Variants in KCNN2 observed in about 807,000 individuals in gnomAD.
KCNN2 encodes potassium calcium-activated channel subfamily N member 2.
In KCNN2, 24 loss-of-function variants were observed where a neutral mutation model predicts 55.5. That is an observed-to-expected ratio of 0.43 (90% CI 0.31 to 0.61). The LOEUF (loss-of-function observed/expected upper bound fraction) is 0.61, where lower values mean the gene tolerates loss of function less well. Among genes scored for constraint, KCNN2 ranks in the 20% least tolerant of loss-of-function variants. The pLI is 0.08. For missense variants in KCNN2, 754 were observed against 853.6 expected (o/e 0.88, Z 1.45); for synonymous variants, 431 against 336.1 (o/e 1.28, Z -3.09).
At chr5:114,375,952 G>GTGTATATATATATA (rs1249028214) in intron 2 of KCNN2, among the ~76,000 whole-genome samples, 1 of 104,722 alleles carries the variant, frequency 9.5e-6, no homozygotes, top group Non-Finnish European at 1.9e-5. Context: ...GACTCACAGT[G>GTGTATATATATATA]TATATATATA....
chr5:114,265,324 GGTGTGTGTGTGTGT>G (rs60111802), intron 2 of KCNN2, among the ~76,000 whole-genome samples: 39,297 of 149,088 alleles, frequency 0.26, 5,509 homozygotes, highest in East Asian at 0.51. Context: ...ATCAAGAGGA[GGTGTGTGTGTGTGT>G]GTGTGTGTGT....
chr5:114,109,099 T>C (rs1400685658), intron 1 of KCNN2, among the ~76,000 whole-genome samples: 1 of 152,066 alleles, frequency 6.6e-6, no homozygotes, highest in African/African-American at 2.4e-5. Flanking sequence ...TCACTCAAGC[T>C]TGGAGTCTCA....
intron 2 of KCNN2, among the ~76,000 whole-genome samples, chr5:114,243,272 C>T (rs1406409875): frequency 6.6e-6 from 1 of 152,192 alleles, no homozygotes; most frequent in Non-Finnish European, 1.5e-5. Flanking sequence ...CATAGCAACT[C>T]ACACATATGT....
intron 2 of KCNN2, among the ~76,000 whole-genome samples, chr5:114,327,323 C>T (rs958773183): frequency 6.6e-6 from 1 of 152,158 alleles, no homozygotes; most frequent in African/African-American, 2.4e-5. Context: ...TCAACCTATG[C>T]GGGAGCAGAG....
chr5:114,084,348 A>G (rs1018373376), intron 1 of KCNN2, among the ~76,000 whole-genome samples: 4 of 151,942 alleles, frequency 2.6e-5, no homozygotes, highest in East Asian at 1.9e-4. Context: ...GATATTGTCC[A>G]TTTTCAATTT....
At chr5:114,473,298 C>A in intron 5 of KCNN2, 134 bp downstream of exon 5, 1 of 658,674 alleles carries the variant, frequency 1.5e-6, no homozygotes, top group Non-Finnish European at 2.7e-6. Context: ...GGAATCACTT[C>A]CATTTTATCA....
chr5:114,486,353 A>T (rs746655646), intron 5 of KCNN2, among the ~76,000 whole-genome samples: 2 of 152,192 alleles, frequency 1.3e-5, no homozygotes, highest in Non-Finnish European at 2.9e-5. Context: ...GAAGACTTTC[A>T]TCAAGAAAGC....
chr5:114,347,105 TA>T (rs1288076258), intron 2 of KCNN2, among the ~76,000 whole-genome samples: 1 of 152,222 alleles, frequency 6.6e-6, no homozygotes, highest in Non-Finnish European at 1.5e-5. Context: ...AAATATAATT[TA>T]GCTAATCAAT....
At position 114,297,912 on chromosome 5, in the gene KCNN2, G is replaced by A. The variant is rs192664553; in HGVS notation, c.-184-63033G>A. ...TCCTTGGTCAGATTATTTCCCCTGT[G>A]TCTCAGTTTCCTTATACGTGAAATG... On this transcript the variant is annotated intron_variant, in intron 2 of 10. Coordinates refer to the KCNN2 transcript ENST00000512097. 3.3e-5 allele frequency among the ~76,000 whole-genome samples: 5 copies of A among 152,182 alleles called. No individual in the cohort carries two copies. In the East Asian group the frequency reaches 5.8e-4, roughly 18 times the overall value.
chr5:114,352,252 T>G (rs146587280), intron 2 of KCNN2, among the ~76,000 whole-genome samples: 3 of 151,746 alleles, frequency 2.0e-5, no homozygotes, highest in African/African-American at 7.2e-5. Context: ...TTCTGTAAGG[T>G]TAGTAGTGAT....
chr5:114,278,168 C>T (rs967787369), intron 2 of KCNN2, among the ~76,000 whole-genome samples: 11 of 152,186 alleles, frequency 7.2e-5, no homozygotes, highest in Admixed American at 1.3e-4. Context: ...TGGGTATCAC[C>T]AGTGGAGGCT....
At chr5:114,351,063 A>G (rs1041863613) in intron 2 of KCNN2, among the ~76,000 whole-genome samples, 1 of 151,834 alleles carries the variant, frequency 6.6e-6, no homozygotes, top group African/African-American at 2.4e-5. Flanking sequence ...CATTTTAACA[A>G]TATTAAGTAT....
At chr5:114,152,439 G>C (rs1752547393) in intron 1 of KCNN2, among the ~76,000 whole-genome samples, 1 of 152,140 alleles carries the variant, frequency 6.6e-6, no homozygotes, top group East Asian at 1.9e-4. Context: ...GTTTAGTCAA[G>C]TTATTTGCAA....
intron 2 of KCNN2, among the ~76,000 whole-genome samples, chr5:114,372,254 G>A (rs532374855): frequency 2.0e-5 from 3 of 152,112 alleles, no homozygotes; most frequent in African/African-American, 7.2e-5. Flanking sequence ...TCCTAGTTTT[G>A]TGCTAGCTGT....
chr5:114,405,649 G>C (rs1758906624), intron 3 of KCNN2, among the ~76,000 whole-genome samples: 1 of 152,056 alleles, frequency 6.6e-6, no homozygotes, highest in East Asian at 1.9e-4. Context: ...GAATGATTTA[G>C]ACATTTCTAG....
intron 2 of KCNN2, among the ~76,000 whole-genome samples, chr5:114,344,989 C>CG (rs2150037986): frequency 6.6e-6 from 1 of 152,280 alleles, no homozygotes; most frequent in East Asian, 1.9e-4. Flanking sequence ...CCTGAAGATA[C>CG]ACCTTCATCA....
intron 1 of KCNN2, among the ~76,000 whole-genome samples, chr5:114,176,756 T>G (rs1753138063): frequency 6.6e-6 from 1 of 152,160 alleles, no homozygotes; most frequent in African/African-American, 2.4e-5. Flanking sequence ...CATAAGCAAT[T>G]TAATAAAGGG....
At chr5:114,437,811 A>G (rs1760060966) in intron 3 of KCNN2, among the ~76,000 whole-genome samples, 1 of 152,134 alleles carries the variant, frequency 6.6e-6, no homozygotes, top group African/African-American at 2.4e-5. Context: ...TCACGTGTCT[A>G]TTTGCCTGGG....
Position 114,300,922 on chromosome 5 carries a change from TC to T in KCNN2, c.-184-60022del, listed in dbSNP as rs529128649. Among the ~76,000 whole-genome samples, 187 of 152,268 alleles carry T rather than the reference TC, an allele frequency of 1.2e-3. No individual in the cohort carries two copies. The Middle Eastern group carries it at 0.02, about 17-fold the overall frequency. ...GATCAGTGCCTCTCAAAATGGGGGA[TC>T]ACAAGAGTTTTATTTAATTTTCCTT... On this transcript the variant is annotated intron_variant, in intron 2 of 10. Coordinates refer to the KCNN2 transcript ENST00000512097.
Sources: allele counts gnomAD v4.1 joint callset (sites outside exome capture counted in the v4.1 genomes callset), GRCh38; gene constraint gnomAD v4.1.1; transcripts MANE v1.5; gene names NCBI Gene and HGNC (gene_info 2026-07-23, HGNC 2026-07-21).